HCN1: variants seen among roughly 807,000 people sequenced by gnomAD.
HCN1 encodes the protein hyperpolarization activated cyclic nucleotide gated potassium channel 1.
HCN1 carries 13 observed loss-of-function variants against 78.9 expected under a neutral mutation model. The ratio of observed to expected loss-of-function variants is 0.16; its 90% CI spans 0.11 to 0.26. The LOEUF (loss-of-function observed/expected upper bound fraction) is 0.26. Among genes scored for constraint, HCN1 ranks in the 10% least tolerant of loss-of-function variants. The pLI, the probability that HCN1 is intolerant of heterozygous loss-of-function variation, is 1.00. For synonymous variants in HCN1, 552 were observed against 455.5 expected (o/e 1.21, Z -2.70); for missense variants, 810 against 1,154.3 (o/e 0.70, Z 4.32).
intron 2 of HCN1, among the ~76,000 whole-genome samples, chr5:45,635,515 G>A (rs1745340485): frequency 6.6e-6 from 1 of 151,928 alleles, no homozygotes; most frequent in Admixed American, 6.6e-5. Context: ...GGAGCCCTGG[G>A]ACCAGTCTCC....
chr5:45,462,675 C>T (rs1217206250), intron 2 of HCN1, among the ~76,000 whole-genome samples: 2 of 151,952 alleles, frequency 1.3e-5, no homozygotes, highest in Non-Finnish European at 2.9e-5. Flanking sequence ...TTTTCAGTTA[C>T]TCCTTATTGT....
chr5:45,496,779 C>A (rs1742043241), intron 2 of HCN1, among the ~76,000 whole-genome samples: 1 of 152,144 alleles, frequency 6.6e-6, no homozygotes, highest in South Asian at 2.1e-4. Context: ...TTTTCTAGTT[C>A]TTCTAATCGT....
intron 3 of HCN1, among the ~76,000 whole-genome samples, chr5:45,402,789 C>CCTTT: frequency 6.7e-6 from 1 of 149,104 alleles, no homozygotes; most frequent in Admixed American, 6.7e-5. Flanking sequence ...TTCTTCCTTT[C>CCTTT]CTTTCCTTTC....
chr5:45,624,447 C>A (rs998755753), intron 2 of HCN1, among the ~76,000 whole-genome samples: 4 of 152,064 alleles, frequency 2.6e-5, no homozygotes, highest in Admixed American at 1.3e-4. Flanking sequence ...GAATGGACTA[C>A]AATTGACAGT....
chr5:45,499,443 C>T (rs1274462769), intron 2 of HCN1, among the ~76,000 whole-genome samples: 12 of 152,288 alleles, frequency 7.9e-5, no homozygotes, highest in African/African-American at 1.7e-4. Flanking sequence ...CGCCCTGCTT[C>T]GGCTCGTGCA....
chr5:45,618,617 T>C (rs1187675667), intron 2 of HCN1, among the ~76,000 whole-genome samples: 6 of 152,200 alleles, frequency 3.9e-5, no homozygotes, highest in African/African-American at 4.8e-5. Context: ...GCAATGAAGT[T>C]ATGAGCTAGA....
intron 5 of HCN1, among the ~76,000 whole-genome samples, chr5:45,325,807 T>C (rs1746223588): frequency 6.6e-6 from 1 of 151,690 alleles, no homozygotes. Context: ...GATTTCTCTG[T>C]CTCTAGTAGG....
intron 4 of HCN1, among the ~76,000 whole-genome samples, chr5:45,376,797 C>G (rs1483837347): frequency 6.6e-6 from 1 of 151,838 alleles, no homozygotes; most frequent in African/African-American, 2.4e-5. Flanking sequence ...CACATGCTCA[C>G]TTTTTTTCTG....
chr5:45,492,683 G>A (rs6897926), intron 2 of HCN1, among the ~76,000 whole-genome samples: 10,407 of 151,496 alleles, frequency 0.069, 449 homozygotes, highest in East Asian at 0.14. Context: ...TGTATTTTTA[G>A]TACAGACAAG....
At chr5:45,492,872 CTCTT>C (rs1741918254) in intron 2 of HCN1, among the ~76,000 whole-genome samples, 1 of 151,982 alleles carries the variant, frequency 6.6e-6, no homozygotes, top group Non-Finnish European at 1.5e-5. Flanking sequence ...CTTAGAAAAA[CTCTT>C]TGAGGCATGA....
chr5:45,665,651 C>G (rs1379903596), intron 1 of HCN1, among the ~76,000 whole-genome samples: 2 of 151,804 alleles, frequency 1.3e-5, no homozygotes, highest in Non-Finnish European at 2.9e-5. Flanking sequence ...ATAAATGCAT[C>G]AAAAATAGCA....
chr5:45,431,462 C>G (rs572594924), intron 3 of HCN1, among the ~76,000 whole-genome samples: 1 of 152,164 alleles, frequency 6.6e-6, no homozygotes, highest in South Asian at 2.1e-4. Context: ...TCAATTTTTG[C>G]TTTTGTTGCA....
At chr5:45,384,328 T>TA (rs1747872621) in intron 4 of HCN1, among the ~76,000 whole-genome samples, 3 of 152,144 alleles carry the variant, frequency 2.0e-5, no homozygotes, top group Non-Finnish European at 4.4e-5. Context: ...TCCAATATAG[T>TA]CACAGAAAAT....
intron 2 of HCN1, among the ~76,000 whole-genome samples, chr5:45,553,631 A>G (rs12518923): frequency 0.067 from 10,115 of 151,988 alleles, 417 homozygotes; most frequent in East Asian, 0.15. Context: ...TAGTATTTGC[A>G]TATAACCTAT....
chr5:45,541,350 C>A (rs188335886), intron 2 of HCN1, among the ~76,000 whole-genome samples: 1 of 152,158 alleles, frequency 6.6e-6, no homozygotes. Flanking sequence ...ACTTGCCATG[C>A]GCTGCATAGT....
At chr5:45,592,816 T>C (rs1340563609) in intron 2 of HCN1, among the ~76,000 whole-genome samples, 6 of 152,274 alleles carry the variant, frequency 3.9e-5, no homozygotes, top group Admixed American at 1.3e-4. Context: ...TTTTTTAACA[T>C]AGGTACAAGA....
At chr5:45,455,656 T>C (rs1741014358) in intron 3 of HCN1, among the ~76,000 whole-genome samples, 1 of 151,764 alleles carries the variant, frequency 6.6e-6, no homozygotes, top group Non-Finnish European at 1.5e-5. Flanking sequence ...TATGTATGTC[T>C]TTAAATTTAA....
At chr5:45,575,774 C>T (rs1201461755) in intron 2 of HCN1, 2 of 152,086 alleles carry the variant, frequency 1.3e-5, no homozygotes, top group African/African-American at 4.8e-5. Context: ...CACATAAGAG[C>T]TCTGATGAAG....
intron 4 of HCN1, among the ~76,000 whole-genome samples, chr5:45,365,649 A>G (rs1025026985): frequency 6.6e-6 from 1 of 151,964 alleles, no homozygotes; most frequent in African/African-American, 2.4e-5. Flanking sequence ...TGTGATAAAT[A>G]TATGAGTGCA....
Sources: gnomAD v4.1 joint callset for allele counts (sites outside exome capture counted in the v4.1 genomes callset) on GRCh38, gnomAD v4.1.1 for gene constraint, MANE v1.5 for transcripts, NCBI Gene and HGNC (gene_info 2026-07-23, HGNC 2026-07-21) for gene names.